Variants in SHROOM3 observed in about 807,000 individuals in gnomAD.
SHROOM3 encodes protein Shroom3.
A neutral mutation model predicts 138.6 loss-of-function variants in SHROOM3; 47 were observed. The ratio of observed to expected loss-of-function variants is 0.34; its 90% CI spans 0.27 to 0.43. The LOEUF (loss-of-function observed/expected upper bound fraction) is 0.43. Ranked by LOEUF, SHROOM3 falls within the 20% of genes least tolerant of loss-of-function variation. The probability of loss-of-function intolerance (pLI) is 1.00; values close to 1 mark genes in which losing one functional copy is unlikely to be tolerated. For synonymous variants in SHROOM3, 1,062 were observed against 1,063.3 expected (o/e 1.00, Z 0.02); for missense variants, 2,491 against 2,596.5 (o/e 0.96, Z 0.88).
intron 2 of SHROOM3, among the ~76,000 whole-genome samples, chr4:76,691,791 A>G (rs1719549995): frequency 6.6e-6 from 1 of 152,148 alleles, no homozygotes. Context: ...TCAACATTCT[A>G]CTGTCTCTTC....
rs60083862 is a variant in SHROOM3, at chr4:76,558,587, T to G, written c.323+2824T>G. Among the ~76,000 whole-genome samples, 475 of 152,298 alleles carry G rather than the reference T, an allele frequency of 3.1e-3. 2 individuals carry two copies. Among genetic ancestry groups the G allele is most frequent in the African/African-American group, 0.011 (455 of 41,576 alleles). On this transcript the variant is annotated intron_variant, in intron 2 of 10. Coordinates refer to ENST00000296043, the MANE Select transcript of SHROOM3 (RefSeq NM_020859.4). ...TTACAGGTCCAGAATTGGTCATGAC[T>G]GTCTCAGACCTTGTGGAATTTAGGA...
At chr4:76,482,184 G>A (rs1052153901) in intron 1 of SHROOM3, among the ~76,000 whole-genome samples, 3 of 152,054 alleles carry the variant, frequency 2.0e-5, no homozygotes, top group African/African-American at 4.8e-5. Context: ...GAAATAAAGG[G>A]TATTCAAATA....
At chr4:76,691,598 G>T (rs909281518) in intron 2 of SHROOM3, among the ~76,000 whole-genome samples, 1 of 152,184 alleles carries the variant, frequency 6.6e-6, no homozygotes, top group Non-Finnish European at 1.5e-5. Context: ...GAAGGTATAG[G>T]TGAATTACAG....
At chr4:76,691,459 G>T (rs1719536897) in intron 2 of SHROOM3, among the ~76,000 whole-genome samples, 2 of 152,154 alleles carry the variant, frequency 1.3e-5, no homozygotes, top group African/African-American at 4.8e-5. Flanking sequence ...AGTAGGAGGT[G>T]GAGCCCTGTT....
chr4:76,625,636 T>A (rs2110068918), intron 2 of SHROOM3, among the ~76,000 whole-genome samples: 1 of 152,238 alleles, frequency 6.6e-6, no homozygotes, highest in Non-Finnish European at 1.5e-5. Context: ...CATCCTTCCT[T>A]TCCTACTTCA....
At chr4:76,604,944 A>G (rs910596702) in intron 2 of SHROOM3, among the ~76,000 whole-genome samples, 2 of 152,244 alleles carry the variant, frequency 1.3e-5, no homozygotes, top group African/African-American at 4.8e-5. Flanking sequence ...TGTCTCTAAA[A>G]TGCCAAAAAT....
At chr4:76,468,907 G>A (rs1453600978) in intron 1 of SHROOM3, among the ~76,000 whole-genome samples, 4 of 151,890 alleles carry the variant, frequency 2.6e-5, no homozygotes, top group East Asian at 1.9e-4. Context: ...GGTGGCAGGC[G>A]ACTGTAGTCC....
At chr4:76,579,334 G>A (rs1577897871) in intron 2 of SHROOM3, among the ~76,000 whole-genome samples, 2 of 152,244 alleles carry the variant, frequency 1.3e-5, no homozygotes, top group South Asian at 4.1e-4. Context: ...TGGGCGTGGT[G>A]GCAGGCGCCT....
At chr4:76,591,827 A>G (rs1428743565) in intron 2 of SHROOM3, among the ~76,000 whole-genome samples, 2 of 152,176 alleles carry the variant, frequency 1.3e-5, no homozygotes, top group Admixed American at 1.3e-4. Context: ...TAACCACCAC[A>G]TATTTAGGAA....
At chr4:76,661,403 T>G (rs1013527081) in intron 2 of SHROOM3, among the ~76,000 whole-genome samples, 24 of 152,120 alleles carry the variant, frequency 1.6e-4, no homozygotes, top group Non-Finnish European at 2.8e-4. Context: ...CTAATTTTTT[T>G]GTATTTTTAG....
chr4:76,448,738 G>A (rs187821810), intron 1 of SHROOM3, among the ~76,000 whole-genome samples: 12 of 152,204 alleles, frequency 7.9e-5, no homozygotes, highest in African/African-American at 2.6e-4. Context: ...TTGTCTCAGG[G>A]TCTGTTTCTG....
Position 76,730,824 on chromosome 4 carries a change from G to T in SHROOM3, c.476G>T (p.Arg159Leu), listed in dbSNP as rs757040989. The T allele has an allele frequency of 1.2e-6, 2 of 1,613,900 alleles. No homozygotes were observed. The highest frequency in any genetic ancestry group is 1.7e-6 in the Non-Finnish European group (2 of 1,180,002). The change falls in exon 4 of 11, where the codon CGA becomes CTA. Residue 159 changes from arginine to leucine, a missense_variant. This residue lies in a region of SHROOM3 where 284 missense variants were observed against 322.8 expected (regional missense o/e 0.88). Coordinates refer to ENST00000296043, the MANE Select transcript of SHROOM3 (RefSeq NM_020859.4). The stretch of plus-strand genomic sequence containing the variant: ...CCCAGGCGCAGTGAGCCTGCAGGCC[G>T]ACCTCACTCGTGGCACACAACTAAA... ...LKHRRSEPAG[R>L]PHSWHTTKSG...
chr4:76,779,578 T>C lies in SHROOM3; in HGVS notation c.*401T>C, dbSNP rs1432135922. The C allele has an allele frequency of 1.7e-5, 3 of 171,694 alleles. No individual in the cohort carries two copies. The highest frequency in any genetic ancestry group is 1.3e-5 in the Non-Finnish European group (1 of 78,666). 10.6% of individuals were successfully genotyped at this position (171,694 alleles called of 1,614,324 possible). Reference sequence around the variant, plus strand: ...TCCTGATGGCAGGGTACAAGTACCATTAATGAAGGGTCTGCAACATAAAGC... The same window carrying C: ...TCCTGATGGCAGGGTACAAGTACCACTAATGAAGGGTCTGCAACATAAAGC... On this transcript the variant is annotated 3_prime_UTR_variant, in exon 11 of 11. Transcript: ENST00000296043.
intron 1 of SHROOM3, among the ~76,000 whole-genome samples, chr4:76,438,465 A>C (rs750770354): frequency 1.3e-5 from 2 of 152,232 alleles, no homozygotes; most frequent in Non-Finnish European, 1.5e-5. Context: ...ATGAAGTAAA[A>C]AATTTTAAAC....
intron 1 of SHROOM3, among the ~76,000 whole-genome samples, chr4:76,439,961 A>G (rs962191225): frequency 3.3e-5 from 5 of 152,244 alleles, no homozygotes; most frequent in African/African-American, 1.2e-4. Flanking sequence ...TAACTTTTAA[A>G]AAATTGTCAT....
At chr4:76,761,447 C>T (rs1482933409) in intron 9 of SHROOM3, among the ~76,000 whole-genome samples, 2 of 152,188 alleles carry the variant, frequency 1.3e-5, no homozygotes, top group African/African-American at 4.8e-5. Context: ...TACTATCTTA[C>T]TTGCACAAAA....
intron 2 of SHROOM3, among the ~76,000 whole-genome samples, chr4:76,650,468 C>G (rs928628022): frequency 5.3e-5 from 8 of 152,102 alleles, no homozygotes; most frequent in Non-Finnish European, 1.5e-5. Context: ...ATCAGTGTAT[C>G]AAAGAGGTAT....
At chr4:76,580,648 A>G (rs1403960337) in intron 2 of SHROOM3, among the ~76,000 whole-genome samples, 1 of 151,966 alleles carries the variant, frequency 6.6e-6, no homozygotes, top group East Asian at 1.9e-4. Flanking sequence ...CTGGTCTCGA[A>G]CACCTGACCT....
At chr4:76,556,940 G>C (rs1306369412) in intron 2 of SHROOM3, among the ~76,000 whole-genome samples, 1 of 152,094 alleles carries the variant, frequency 6.6e-6, no homozygotes, top group Non-Finnish European at 1.5e-5. Flanking sequence ...TGTCTGGTCT[G>C]TCTACAGGGC....
Sources: allele counts gnomAD v4.1 joint callset (sites outside exome capture counted in the v4.1 genomes callset), GRCh38; gene constraint gnomAD v4.1.1; regional missense constraint gnomAD v4.1.1; transcripts MANE v1.5; gene names NCBI Gene and HGNC (gene_info 2026-07-23, HGNC 2026-07-21).